The following SUGCT variants were observed in gnomAD, a reference collection of about 807,000 sequenced individuals.
The protein encoded by SUGCT is succinyl-CoA:glutarate-CoA transferase.
In SUGCT, 41 loss-of-function variants were observed where a neutral mutation model predicts 55.0. The observed-to-expected ratio is 0.74, with a 90% CI of 0.58 to 0.97. The LOEUF (loss-of-function observed/expected upper bound fraction) is 0.97, where lower values mean the gene tolerates loss of function less well. SUGCT is among the 50% of genes least tolerant of loss of function. The probability of loss-of-function intolerance (pLI) is 0.00; values close to 1 mark genes in which losing one functional copy is unlikely to be tolerated. For synonymous variants in SUGCT, 187 were observed against 200.4 expected, an observed-to-expected ratio of 0.93 and a Z score of 0.56; for missense variants, 568 against 547.8, an observed-to-expected ratio of 1.04 and a Z score of -0.37.
intron 12 of SUGCT, among the ~76,000 whole-genome samples, chr7:40,529,796 A>G (rs558835347): frequency 1.3e-5 from 2 of 152,282 alleles, no homozygotes; most frequent in South Asian, 4.1e-4. Flanking sequence ...CATTGAAAGT[A>G]ATGATAAAAA....
At chr7:40,646,382 G>T (rs1562923374) in intron 12 of SUGCT, among the ~76,000 whole-genome samples, 1 of 151,802 alleles carries the variant, frequency 6.6e-6, no homozygotes, top group African/African-American at 2.4e-5. Context: ...AAATAGCTGG[G>T]TTTTTTTTCT....
chr7:40,585,087 C>G (rs1287738936), intron 12 of SUGCT, among the ~76,000 whole-genome samples: 1 of 152,176 alleles, frequency 6.6e-6, no homozygotes, highest in Non-Finnish European at 1.5e-5. Flanking sequence ...CCCATCAGCT[C>G]TGGCAGTTGT....
At chr7:40,420,722 C>A (rs1439210505) in intron 9 of SUGCT, among the ~76,000 whole-genome samples, 1 of 152,012 alleles carries the variant, frequency 6.6e-6, no homozygotes, top group African/African-American at 2.4e-5. Flanking sequence ...TTTATGTCTC[C>A]ATTTCCATGG....
chr7:40,575,924 A>C (rs1796721971), intron 12 of SUGCT, among the ~76,000 whole-genome samples: 1 of 150,520 alleles, frequency 6.6e-6, no homozygotes, highest in African/African-American at 2.5e-5. Context: ...AGCCTGAGTG[A>C]CAGAGTGAGA....
chr7:40,592,326 G>A (rs1797771365), intron 12 of SUGCT, among the ~76,000 whole-genome samples: 8 of 152,110 alleles, frequency 5.3e-5, no homozygotes, highest in Admixed American at 5.2e-4. Flanking sequence ...TAAAATAATG[G>A]TGACTGCTGC....
chr7:40,554,072 C>A (rs990919035), intron 12 of SUGCT, among the ~76,000 whole-genome samples: 2 of 152,190 alleles, frequency 1.3e-5, no homozygotes, highest in African/African-American at 4.8e-5. Context: ...GGATTTGAAT[C>A]CTGGCTTTTC....
intron 11 of SUGCT, among the ~76,000 whole-genome samples, chr7:40,493,659 C>T (rs1791815882): frequency 6.6e-6 from 1 of 152,096 alleles, no homozygotes; most frequent in South Asian, 2.1e-4. Flanking sequence ...AAATAATTTC[C>T]CAGTGAAGGC....
At chr7:40,335,236 G>A (rs1796614431) in intron 9 of SUGCT, among the ~76,000 whole-genome samples, 2 of 152,178 alleles carry the variant, frequency 1.3e-5, no homozygotes, top group African/African-American at 4.8e-5. Context: ...GGCAATGCAG[G>A]CCCTTTTTTG....
intron 12 of SUGCT, among the ~76,000 whole-genome samples, chr7:40,683,856 A>G (rs753210094): frequency 2.6e-5 from 4 of 152,244 alleles, no homozygotes; most frequent in Non-Finnish European, 4.4e-5. Context: ...TAAACAAAAC[A>G]AATGTATTAT....
intron 7 of SUGCT, among the ~76,000 whole-genome samples, chr7:40,266,097 T>G (rs1791553849): frequency 6.6e-6 from 1 of 152,108 alleles, no homozygotes; most frequent in Non-Finnish European, 1.5e-5. Flanking sequence ...AAATTATCAA[T>G]TTTTAAAGAA....
At chr7:40,661,285 C>G (rs1801290766) in intron 12 of SUGCT, among the ~76,000 whole-genome samples, 1 of 152,130 alleles carries the variant, frequency 6.6e-6, no homozygotes, top group South Asian at 2.1e-4. Context: ...AAAAGTGATT[C>G]CTGCCCCTAA....
intron 6 of SUGCT, among the ~76,000 whole-genome samples, chr7:40,196,978 G>A (rs1010791481): frequency 3.9e-5 from 6 of 152,018 alleles, no homozygotes; most frequent in African/African-American, 1.4e-4. Context: ...GGGATTACGG[G>A]CATGTACCAC....
At chr7:40,332,727 T>A (rs982958776) in intron 9 of SUGCT, among the ~76,000 whole-genome samples, 1 of 152,146 alleles carries the variant, frequency 6.6e-6, no homozygotes, top group African/African-American at 2.4e-5. Context: ...GTTGCATTAA[T>A]GTGGGGGGCC....
chr7:40,961,194 G>A, the SUGCT span, among the ~76,000 whole-genome samples: 2 of 152,146 alleles, frequency 1.3e-5, no homozygotes, highest in Admixed American at 6.6e-5. Context: ...ACTTCAAACT[G>A]GATTAATGTT....
intron 9 of SUGCT, among the ~76,000 whole-genome samples, chr7:40,425,039 G>A (rs937686426): frequency 6.6e-6 from 1 of 152,066 alleles, no homozygotes; most frequent in East Asian, 1.9e-4. Context: ...AAAGAAAAAA[G>A]TCAGTGTTCT....
At chr7:40,666,079 G>A (rs1801613191) in intron 12 of SUGCT, among the ~76,000 whole-genome samples, 1 of 152,006 alleles carries the variant, frequency 6.6e-6, no homozygotes, top group Non-Finnish European at 1.5e-5. Flanking sequence ...AAGAAGGGAG[G>A]GCTGGGTGCG....
intron 9 of SUGCT, among the ~76,000 whole-genome samples, chr7:40,405,589 C>T (rs1038438664): frequency 1.3e-5 from 2 of 151,990 alleles, no homozygotes; most frequent in African/African-American, 2.4e-5. Context: ...GCAGGTGGAT[C>T]ACTTGAGGCC....
chr7:40,254,279 T>G (rs952109315), intron 7 of SUGCT, among the ~76,000 whole-genome samples: 3 of 151,150 alleles, frequency 2.0e-5, no homozygotes, highest in East Asian at 3.8e-4. Flanking sequence ...AAGAAATGTC[T>G]TTTGGGGGAA....
chr7:40,696,219 A>C (rs1784930813), intron 12 of SUGCT, among the ~76,000 whole-genome samples: 2 of 152,202 alleles, frequency 1.3e-5, no homozygotes, highest in Non-Finnish European at 2.9e-5. Context: ...CACGAATTGT[A>C]GAAAAGGAAA....
Sources: gnomAD v4.1 joint callset for allele counts (sites outside exome capture counted in the v4.1 genomes callset) on GRCh38, gnomAD v4.1.1 for gene constraint, MANE v1.5 for transcripts, NCBI Gene and HGNC (gene_info 2026-07-23, HGNC 2026-07-21) for gene names.